The following SNX6 variants were observed in gnomAD, a reference collection of about 807,000 sequenced individuals.
SNX6 encodes the protein sorting nexin 6, also known as sorting nexin-6.
In SNX6, 34 loss-of-function variants were observed where a neutral mutation model predicts 63.0. That is an observed-to-expected ratio of 0.54 (90% CI 0.41 to 0.72). SNX6 has a LOEUF of 0.72. Among genes scored for constraint, SNX6 ranks in the 30% least tolerant of loss-of-function variants. SNX6 has a pLI of 0.00. For synonymous variants in SNX6, 170 were observed against 164.2 expected (o/e 1.04, Z -0.27); for missense variants, 398 against 471.4 (o/e 0.84, Z 1.44).
intron 10 of SNX6, among the ~76,000 whole-genome samples, chr14:34,580,111 G>A (rs897119012): frequency 3.3e-5 from 5 of 152,118 alleles, no homozygotes; most frequent in African/African-American, 7.2e-5. Context: ...CCTGGGAGGC[G>A]AAGGATGCAA....
At chr14:34,566,411 C>A (rs975659386) in intron 13 of SNX6, among the ~76,000 whole-genome samples, 1 of 152,142 alleles carries the variant, frequency 6.6e-6, no homozygotes, top group Admixed American at 6.5e-5. Flanking sequence ...TGAGGTTTCA[C>A]CATGTTGGCC....
At chr14:34,603,164 G>A (rs1276146068) in intron 6 of SNX6, among the ~76,000 whole-genome samples, 184 bp downstream of exon 6, 1 of 151,412 alleles carries the variant, frequency 6.6e-6, no homozygotes, top group Non-Finnish European at 1.5e-5. Context: ...TGTAGTCCCA[G>A]CTACTAGGGA....
intron 9 of SNX6, among the ~76,000 whole-genome samples, chr14:34,583,690 A>G (rs1007343775): frequency 6.6e-6 from 1 of 152,156 alleles, no homozygotes; most frequent in Non-Finnish European, 1.5e-5. Context: ...ATGACATCAT[A>G]AATGAATTAG....
At chr14:34,622,222 A>G (rs986748332) in intron 2 of SNX6, among the ~76,000 whole-genome samples, 50 of 147,312 alleles carry the variant, frequency 3.4e-4, no homozygotes, top group South Asian at 2.2e-3. Flanking sequence ...TCGGCCTCCC[A>G]TAGTGCTGGG....
At chr14:34,627,486 C>G (rs140981720) in intron 2 of SNX6, among the ~76,000 whole-genome samples, 1 of 149,662 alleles carries the variant, frequency 6.7e-6, no homozygotes, top group Non-Finnish European at 1.5e-5. Flanking sequence ...TCTTTTTTTT[C>G]TTTTTTTGAG....
intron 11 of SNX6, among the ~76,000 whole-genome samples, chr14:34,573,332 T>C (rs1881533820): frequency 6.6e-6 from 1 of 152,044 alleles, no homozygotes; most frequent in Non-Finnish European, 1.5e-5. Context: ...CCTAGCACAT[T>C]GGGAGGCTGA....
chr14:34,588,427 T>C (rs114099076), intron 8 of SNX6, among the ~76,000 whole-genome samples: 2,129 of 152,208 alleles, frequency 0.014, 53 homozygotes, highest in African/African-American at 0.049. Context: ...CCCGGCCTAT[T>C]TTTTGCAAAG....
chr14:34,562,830 T>C lies in SNX6; in HGVS notation c.*292A>G. 3.0e-6 allele frequency: 1 copy of C among 330,592 alleles called. No homozygotes were observed. The highest frequency in any genetic ancestry group is 5.5e-6 in the Non-Finnish European group (1 of 182,990). The allele number at this position is 330,592 out of a possible 1,614,324, so 20.5% of individuals were successfully genotyped here. A position where few individuals can be genotyped will look rare whatever the true frequency, so the allele number is the denominator to read the frequency against. On this transcript the variant is annotated 3_prime_UTR_variant, in exon 14 of 14. Transcript: ENST00000362031. ...GCCATAAGGAATACTATTTATAAAA[T>C]AAACAGAGTTATAGAGGCTACTTTA...
At chr14:34,571,061 T>C (rs1008031287) in intron 11 of SNX6, among the ~76,000 whole-genome samples, 16 of 151,876 alleles carry the variant, frequency 1.1e-4, no homozygotes, top group African/African-American at 3.6e-4. Flanking sequence ...TCATATATTC[T>C]GAGAATATAA....
At chr14:34,613,041 C>CAAAAAT in intron 2 of SNX6, among the ~76,000 whole-genome samples, 1 of 117,836 alleles carries the variant, frequency 8.5e-6, no homozygotes, top group South Asian at 2.8e-4. Flanking sequence ...AGACTCTATC[C>CAAAAAT]AAAAAAAAAA....
At chr14:34,625,722 G>C (rs1475567646) in intron 2 of SNX6, among the ~76,000 whole-genome samples, 1 of 151,922 alleles carries the variant, frequency 6.6e-6, no homozygotes, top group East Asian at 1.9e-4. Flanking sequence ...AACAGAGCGA[G>C]ACCCTGTCTC....
intron 7 of SNX6, among the ~76,000 whole-genome samples, chr14:34,593,958 C>T (rs560917608): frequency 1.8e-4 from 28 of 152,078 alleles, no homozygotes; most frequent in Middle Eastern, 3.4e-3. Flanking sequence ...TCAAGTGATC[C>T]GCGCGCCTCG....
intron 5 of SNX6, among the ~76,000 whole-genome samples, chr14:34,605,248 T>C (rs1349615584): frequency 6.6e-6 from 1 of 152,160 alleles, no homozygotes; most frequent in Admixed American, 6.5e-5. Flanking sequence ...CAATGACTAT[T>C]CTACTTTAAA....
chr14:34,592,012 A>T (rs1270213087), intron 8 of SNX6, among the ~76,000 whole-genome samples: 5 of 152,216 alleles, frequency 3.3e-5, no homozygotes, highest in Non-Finnish European at 7.3e-5. Flanking sequence ...GAATATTTAA[A>T]AATGTATACC....
At chr14:34,613,620 G>A (rs1213650585) in intron 2 of SNX6, among the ~76,000 whole-genome samples, 3 of 151,858 alleles carry the variant, frequency 2.0e-5, no homozygotes, top group Non-Finnish European at 4.4e-5. Flanking sequence ...GTGAAACCCC[G>A]TCTCTACTAA....
chr14:34,571,453 A>T (rs1817531128), intron 11 of SNX6, among the ~76,000 whole-genome samples: 1 of 152,112 alleles, frequency 6.6e-6, no homozygotes, highest in Non-Finnish European at 1.5e-5. Context: ...AACAACAAAA[A>T]ACGGAAAGAC....
At chr14:34,611,913 G>C (rs1247906349) in intron 2 of SNX6, among the ~76,000 whole-genome samples, 2 of 151,896 alleles carry the variant, frequency 1.3e-5, no homozygotes, top group Non-Finnish European at 2.9e-5. Flanking sequence ...CAAGTAGCTG[G>C]GACTACAGGC....
chr14:34,564,796 C>T (rs1210779114), intron 13 of SNX6, among the ~76,000 whole-genome samples: 3 of 148,564 alleles, frequency 2.0e-5, no homozygotes, highest in Non-Finnish European at 4.4e-5. Flanking sequence ...CACTGCACTC[C>T]AGCCTGGGGC....
Position 34,562,168 on chromosome 14 carries a change from C to G in SNX6, c.*954G>C, listed in dbSNP as rs1307652449. 6.0e-5 allele frequency: 9 copies of G among 150,770 alleles called. No homozygotes were observed. The Middle Eastern group carries it at 0.01, about 173-fold the overall frequency. The allele number at this position is 150,770 out of a possible 1,614,324, so 9.3% of individuals were successfully genotyped here. On this transcript the variant is annotated 3_prime_UTR_variant, in exon 14 of 14. Transcript: ENST00000362031. ...GCATAACTACTAAGTGGCTCAATGG[C>G]CTATGTCTCATGCTTAATTGGCTGA...
Sources: allele counts gnomAD v4.1 joint callset (sites outside exome capture counted in the v4.1 genomes callset), GRCh38; gene constraint gnomAD v4.1.1; transcripts MANE v1.5; gene names NCBI Gene and HGNC (gene_info 2026-07-23, HGNC 2026-07-21).